MYO7B: variants seen among roughly 807,000 people sequenced by gnomAD.
MYO7B encodes myosin VIIB.
In MYO7B, 212 loss-of-function variants were observed where a neutral mutation model predicts 259.7. The observed-to-expected ratio is 0.82, with a 90% CI of 0.73 to 0.91. The LOEUF (loss-of-function observed/expected upper bound fraction) is 0.91, where lower values mean the gene tolerates loss of function less well. MYO7B is among the 40% of genes least tolerant of loss of function. The pLI is 0.00. For synonymous variants in MYO7B, 1,197 were observed against 1,166.4 expected, an observed-to-expected ratio of 1.03 and a Z score of -0.54; for missense variants, 2,732 against 2,813.5, an observed-to-expected ratio of 0.97 and a Z score of 0.66.
intron 26 of MYO7B, among the ~76,000 whole-genome samples, chr2:127,618,580 T>C (rs1359263628): frequency 6.6e-6 from 1 of 152,232 alleles, no homozygotes; most frequent in Non-Finnish European, 1.5e-5. Flanking sequence ...TTTGCCAACA[T>C]TCTGCTTTTA....
intron 35 of MYO7B, 118 bp from the exon 36 acceptor site, chr2:127,630,660 G>A: frequency 2.1e-6 from 3 of 1,449,152 alleles, no homozygotes; most frequent in East Asian, 4.6e-5. Context: ...GCCCTGGCCT[G>A]TTCAGCCCTG....
chr2:127,578,117 G>A lies in MYO7B; in HGVS notation c.850-16G>A. 1 of 1,613,098 alleles carries A rather than the reference G, an allele frequency of 6.2e-7. No homozygotes were observed. On this transcript the variant is annotated splice_polypyrimidine_tract_variant and intron_variant, in intron 8 of 47. Transcript: ENST00000409816. ...GCAGGGGATGGCCCCATTCACTGAG[G>A]CACCCTGTCCCTCAGGGGAACTGCA...
chr2:127,544,069 C>G (rs1168827566), intron 1 of MYO7B, among the ~76,000 whole-genome samples: 1 of 151,812 alleles, frequency 6.6e-6, no homozygotes, highest in Non-Finnish European at 1.5e-5. Flanking sequence ...CCCCAACTGG[C>G]CTTTATTTTT....
At position 127,627,133 on chromosome 2, in the gene MYO7B, G is replaced by A; in HGVS notation, c.4333+41G>A. On this transcript the variant is annotated intron_variant, in intron 32 of 47. Transcript: ENST00000409816. The surrounding 1 kb of genome is among the most constrained non-coding windows in gnomAD (Gnocchi z 5.6). ...AGGGGGCAGGGAGCAGGTATGGGCTGGGCACCCAGGGGTCCCATGCAGCCT... is the reference window on the plus strand; with the variant it reads ...AGGGGGCAGGGAGCAGGTATGGGCTAGGCACCCAGGGGTCCCATGCAGCCT... 1 of 1,603,810 alleles carries A rather than the reference G, an allele frequency of 6.2e-7. No homozygotes were observed. The highest frequency in any genetic ancestry group is 8.5e-7 in the Non-Finnish European group (1 of 1,175,448).
At chr2:127,579,119 A>G (rs145487708) in intron 9 of MYO7B, among the ~76,000 whole-genome samples, 53 of 152,278 alleles carry the variant, frequency 3.5e-4, no homozygotes, top group Non-Finnish European at 3.2e-4. Flanking sequence ...TGAGTACAGC[A>G]TGGAGAGAGG....
chr2:127,547,432 G>A (rs1271488897), intron 1 of MYO7B, among the ~76,000 whole-genome samples: 1 of 152,164 alleles, frequency 6.6e-6, no homozygotes, highest in Non-Finnish European at 1.5e-5. Flanking sequence ...ATTCATATCA[G>A]ATCAAGTACA....
At chr2:127,560,034 T>G (rs1678008061) in intron 2 of MYO7B, among the ~76,000 whole-genome samples, 1 of 150,850 alleles carries the variant, frequency 6.6e-6, no homozygotes, top group Admixed American at 6.6e-5. Context: ...TCTTTTCTTT[T>G]TTTTTTTTTT....
Position 127,586,291 on chromosome 2 carries a change from C to T in MYO7B, c.1690+1378C>T, listed in dbSNP as rs1679300397. 6.6e-6 allele frequency among the ~76,000 whole-genome samples: 1 copy of T among 152,128 alleles called. No homozygotes were observed. Among genetic ancestry groups the T allele is most frequent in the Non-Finnish European group, 1.5e-5 (1 of 68,010 alleles). ...GAAGTGAAGGCCTGGGGTGGTCACC[C>T]TATGGGTGTGCCAAGAAAAACGAGG... On this transcript the variant is annotated intron_variant, in intron 14 of 47. Transcript: ENST00000409816. The surrounding 1 kb of genome is among the most constrained non-coding windows in gnomAD (Gnocchi z 4.8).
At chr2:127,566,580 C>A (rs1004589739) in intron 4 of MYO7B, 63 bp from the exon 5 acceptor site, 3 of 1,452,866 alleles carry the variant, frequency 2.1e-6, no homozygotes, top group Non-Finnish European at 2.7e-6. Flanking sequence ...AGGCCAAGGC[C>A]AAGGCCAGGG....
At chr2:127,634,367 C>T (rs901766192) in intron 41 of MYO7B, 78 bp downstream of exon 41, 4 of 1,159,368 alleles carry the variant, frequency 3.5e-6, no homozygotes, top group Non-Finnish European at 4.9e-6. Context: ...GTGGGGGCCT[C>T]AGCCTACCAG....
Position 127,585,443 on chromosome 2 carries a change from A to G in MYO7B, c.1690+530A>G, listed in dbSNP as rs1444064104. ...CTCCATGTCTTTTTATTGCAGAAAA[A>G]CATTCCATTATCTGGAATGTTTATC... On this transcript the variant is annotated intron_variant, in intron 14 of 47. Transcript: ENST00000409816. This position sits in a 1 kb window ranked among gnomAD's most constrained non-coding sequence, Gnocchi z 4.3. Among the ~76,000 whole-genome samples, 2 of 152,114 alleles carry G rather than the reference A, an allele frequency of 1.3e-5. No homozygotes were observed. Among genetic ancestry groups the G allele is most frequent in the Non-Finnish European group, 2.9e-5 (2 of 68,012 alleles).
intron 30 of MYO7B, 79 bp downstream of exon 30, chr2:127,624,399 C>T: frequency 7.5e-7 from 1 of 1,341,882 alleles, no homozygotes. Context: ...CAACTGGCTT[C>T]TGAGGCCAGG....
chr2:127,581,689 C>G (rs1291864805), intron 10 of MYO7B, among the ~76,000 whole-genome samples: 1 of 152,124 alleles, frequency 6.6e-6, no homozygotes, highest in Non-Finnish European at 1.5e-5. Flanking sequence ...CCCAGGAGAC[C>G]CACTGAGGGC....
chr2:127,620,524 T>C, intron 27 of MYO7B, 58 bp downstream of exon 27: 2 of 1,417,456 alleles, frequency 1.4e-6, no homozygotes, highest in African/African-American at 1.4e-5. Context: ...GGAGCGTAGG[T>C]GGCCCCTGGC....
At chr2:127,610,937 C>G (rs937052733) in intron 24 of MYO7B, among the ~76,000 whole-genome samples, 6 of 152,252 alleles carry the variant, frequency 3.9e-5, no homozygotes, top group Admixed American at 1.3e-4. Context: ...ATTACCCCCC[C>G]CAAACCTAAC....
chr2:127,636,854 T>G lies in MYO7B; in HGVS notation c.6268T>G (p.Phe2090Val), dbSNP rs1167094721. The G allele has an allele frequency of 5.2e-6, 8 of 1,529,710 alleles. No homozygotes were observed. In the African/African-American group the frequency reaches 8.4e-5, roughly 16 times the overall value. 94.8% of individuals were successfully genotyped at this position (1,529,710 alleles called of 1,614,324 possible). Residue 2090 changes from phenylalanine to valine, a missense_variant, in exon 47 of 48, where the codon TTC becomes GTC. Physicochemically the swap from Phe to Val is conservative, Grantham distance 50 (BLOSUM62 -1). Around this residue, in one of 3 missense-constraint regions of MYO7B, gnomAD observed 821 missense variants for 769.3 expected, o/e 1.07. Transcript: ENST00000409816. This position sits in a 1 kb window ranked among gnomAD's most constrained non-coding sequence, Gnocchi z 4.5. ...CAGCTGGAGCAGCGGCAGCACCTAC[T>G]TCCACATGGCGCTGGGGAGCCTGGG... ...ISSWSSGSTY[F>V]HMALGSLGRG...
At chr2:127,541,079 G>A (rs149039025) in intron 1 of MYO7B, among the ~76,000 whole-genome samples, 270 of 152,286 alleles carry the variant, frequency 1.8e-3, no homozygotes, top group African/African-American at 6.3e-3. Flanking sequence ...TCTCTCCACA[G>A]TGAAGGCAGC....
chr2:127,601,193 A>T (rs1038278061), intron 19 of MYO7B, among the ~76,000 whole-genome samples: 1 of 152,228 alleles, frequency 6.6e-6, no homozygotes, highest in Admixed American at 6.5e-5. Context: ...ACTCTGTATG[A>T]ATTAAGTTCT....
chr2:127,636,842 G>C lies in MYO7B; in HGVS notation c.6256G>C (p.Gly2086Arg). ...CACCAAGATCTCCAGCTGGAGCAGCGGCAGCACCTACTTCCACATGGCGCT... is the reference window on the plus strand; with the variant it reads ...CACCAAGATCTCCAGCTGGAGCAGCCGCAGCACCTACTTCCACATGGCGCT... ...PFTKISSWSS[G>R]STYFHMALGS... The change falls in exon 47 of 48, where the codon GGC (glycine) becomes CGC (arginine). Residue 2086 changes from glycine (G) to arginine (R), a missense_variant. Physicochemically the swap from Gly to Arg is moderately radical, Grantham distance 125. Coordinates refer to ENST00000409816, the MANE Select transcript of MYO7B (RefSeq NM_001393586.1). The surrounding 1 kb of genome is among the most constrained non-coding windows in gnomAD (Gnocchi z 4.5). The C allele has an allele frequency of 1.2e-6, 2 of 1,612,012 alleles. No individual in the cohort carries two copies. The highest frequency in any genetic ancestry group is 1.7e-6 in the Non-Finnish European group (2 of 1,179,118).
Sources: allele counts gnomAD v4.1 joint callset (sites outside exome capture counted in the v4.1 genomes callset), GRCh38; gene constraint gnomAD v4.1.1; regional missense constraint gnomAD v4.1.1; non-coding constraint Gnocchi (gnomAD v3.1); transcripts MANE v1.5; gene names NCBI Gene and HGNC (gene_info 2026-07-23, HGNC 2026-07-21).